NCKAP1: variants seen among roughly 807,000 people sequenced by gnomAD.
NCKAP1 encodes nck-associated protein 1.
In NCKAP1, 21 loss-of-function variants were observed where a neutral mutation model predicts 151.2. The ratio of observed to expected loss-of-function variants is 0.14; its 90% CI spans 0.10 to 0.20. The LOEUF (loss-of-function observed/expected upper bound fraction) is 0.20, where lower values mean the gene tolerates loss of function less well. Ranked by LOEUF, NCKAP1 falls within the 10% of genes least tolerant of loss-of-function variation. The pLI, the probability that NCKAP1 is intolerant of heterozygous loss-of-function variation, is 1.00. For missense variants in NCKAP1, 933 were observed against 1,352.1 expected (o/e 0.69, Z 4.86); for synonymous variants, 484 against 451.8 (o/e 1.07, Z -0.90).
chr2:182,990,585 G>A (rs1051028988), intron 8 of NCKAP1, among the ~76,000 whole-genome samples: 1 of 151,940 alleles, frequency 6.6e-6, no homozygotes, highest in Non-Finnish European at 1.5e-5. Context: ...TCCATACTAG[G>A]ACGTAAGACC....
intron 2 of NCKAP1, among the ~76,000 whole-genome samples, chr2:183,009,893 T>A (rs547766019): frequency 6.6e-6 from 1 of 152,308 alleles, no homozygotes; most frequent in South Asian, 2.1e-4. Flanking sequence ...TACAATGACA[T>A]AAAAGTAGCG....
At chr2:182,955,475 A>C (rs1697305409) in intron 20 of NCKAP1, among the ~76,000 whole-genome samples, 1 of 152,202 alleles carries the variant, frequency 6.6e-6, no homozygotes, top group East Asian at 1.9e-4. Context: ...AAGGTTTCTG[A>C]CTTATCAATG....
chr2:183,030,960 T>C (rs893346053), intron 1 of NCKAP1, among the ~76,000 whole-genome samples: 1 of 152,194 alleles, frequency 6.6e-6, no homozygotes, highest in Non-Finnish European at 1.5e-5. Context: ...AAGTTAGCAC[T>C]TTCCCTCTTA....
intron 20 of NCKAP1, among the ~76,000 whole-genome samples, chr2:182,953,535 C>T (rs1575026932): frequency 6.6e-6 from 1 of 152,186 alleles, no homozygotes. Context: ...TGGTGGTTCA[C>T]GCCTATTGTA....
In NCKAP1 at chr2:182,991,797, C is replaced by T. The variant is rs144013946; in HGVS notation, c.791-2611G>A. ...AAAAACAAGGCAGAAATTAGTAATCCAAAACTCTGGAGATAGGAAAAAAAA... is the reference window on the plus strand; with the variant it reads ...AAAAACAAGGCAGAAATTAGTAATCTAAAACTCTGGAGATAGGAAAAAAAA... On this transcript the variant is annotated intron_variant, in intron 8 of 30. Coordinates refer to ENST00000361354, the MANE Select transcript of NCKAP1 (RefSeq NM_013436.5). 4.4e-4 allele frequency among the ~76,000 whole-genome samples: 67 copies of T among 151,902 alleles called. 2 individuals are homozygous for T. The East Asian group carries it at 0.013, about 29-fold the overall frequency.
At position 182,962,216 on chromosome 2, in the gene NCKAP1, T is replaced by C; in HGVS notation, c.1824A>G (p.Lys608=). ...TATCAGTGATGAGATTTCGAGCTTG[T>C]TTGGCCATTTCATCTAGGAACATAT... ...LCNMFLDEMA[K]QARNLITDIC... The change falls in exon 18 of 31, where the codon AAA becomes AAG. Residue 608 remains lysine, a synonymous_variant. Coordinates refer to ENST00000361354, the MANE Select transcript of NCKAP1 (RefSeq NM_013436.5). 6.2e-7 allele frequency: 1 copy of C among 1,612,880 alleles called. No individual in the cohort carries two copies. The highest frequency in any genetic ancestry group is 8.5e-7 in the Non-Finnish European group (1 of 1,179,200).
chr2:182,934,771 G>A lies in NCKAP1; in HGVS notation c.2840C>T (p.Pro947Leu). Residue 947 changes from proline (P) to leucine (L), a missense_variant, in exon 26 of 31, where the codon CCA becomes CTA. By Grantham distance (98) the Pro-to-Leu change is moderately conservative (BLOSUM62 -3). Coordinates refer to ENST00000361354, the MANE Select transcript of NCKAP1 (RefSeq NM_013436.5). ...TATTACCTTCATATCAGTTTCCCTT[G>A]GAATGTGATCCTTAAAATCTTCAAT... ...SSIEDFKDHI[P>L]RETDMKVAMN... 1 of 1,479,918 alleles carries A rather than the reference G, an allele frequency of 6.8e-7. No homozygotes were observed. Among genetic ancestry groups the A allele is most frequent in the Non-Finnish European group, 9.4e-7 (1 of 1,064,206 alleles). The allele number at this position is 1,479,918 out of a possible 1,614,324, so 91.7% of individuals were successfully genotyped here.
intron 27 of NCKAP1, among the ~76,000 whole-genome samples, chr2:182,929,805 C>T (rs548955605): frequency 1.3e-5 from 2 of 150,850 alleles, no homozygotes; most frequent in East Asian, 3.9e-4. Context: ...CATGCTGCTG[C>T]CTCAAGGAGG....
intron 2 of NCKAP1, among the ~76,000 whole-genome samples, chr2:183,022,549 G>A (rs949618886): frequency 1.3e-5 from 2 of 152,104 alleles, no homozygotes; most frequent in Non-Finnish European, 2.9e-5. Context: ...CACTTTAAGA[G>A]GTCGAAGCAG....
chr2:182,982,539 G>A (rs537043072), intron 12 of NCKAP1, among the ~76,000 whole-genome samples: 79 of 152,234 alleles, frequency 5.2e-4, no homozygotes, highest in African/African-American at 1.6e-3. Context: ...TGATGCTGCC[G>A]TAGTTCCCAG....
intron 9 of NCKAP1, among the ~76,000 whole-genome samples, chr2:182,988,026 A>C (rs1318350105): frequency 6.6e-6 from 1 of 152,196 alleles, no homozygotes; most frequent in Non-Finnish European, 1.5e-5. Context: ...TGAGTTATAC[A>C]GCTAAGATGT....
intron 1 of NCKAP1, among the ~76,000 whole-genome samples, chr2:183,027,513 T>A (rs147353335): frequency 1.2e-4 from 18 of 152,260 alleles, no homozygotes; most frequent in Admixed American, 4.6e-4. Flanking sequence ...CTAAAAGTTA[T>A]CAGCTAGGTA....
intron 6 of NCKAP1, among the ~76,000 whole-genome samples, chr2:182,996,916 A>G (rs543657288): frequency 7.9e-5 from 12 of 152,364 alleles, no homozygotes; most frequent in African/African-American, 2.6e-4. Flanking sequence ...ATTCTGACGT[A>G]GCCAACTAAG....
intron 24 of NCKAP1, 123 bp downstream of exon 24, chr2:182,941,947 C>A: frequency 1.4e-6 from 1 of 706,286 alleles, no homozygotes; most frequent in Non-Finnish European, 2.3e-6. Context: ...TAGTTCTCTT[C>A]ATAAGCTAAA....
Position 182,919,443 on chromosome 2 carries a change from T to C in NCKAP1, c.*6259A>G, listed in dbSNP as rs1453249809. The C allele has an allele frequency of 3.3e-5, 5 of 152,208 alleles. No homozygotes were observed. In the South Asian group the frequency reaches 1.0e-3, roughly 32 times the overall value. 9.4% of individuals were successfully genotyped at this position (152,208 alleles called of 1,614,324 possible). On this transcript the variant is annotated 3_prime_UTR_variant, in exon 31 of 31. Transcript: ENST00000361354. ...TGCTTTCTGGCAGCCAGAATCTGCA[T>C]GCAATCAATGACCATGTGACTAACG...
In NCKAP1 at chr2:182,989,201, A is replaced by G. The variant is rs1187205476; in HGVS notation, c.791-15T>C. On this transcript the variant is annotated splice_polypyrimidine_tract_variant and intron_variant, in intron 8 of 30. Transcript: ENST00000361354. ...AATAAAGCCAACTTTAAATAAAAAG[A>G]AAGCAAATACAAATGTAAATGTACA... The G allele has an allele frequency of 6.4e-7, 1 of 1,573,212 alleles. No individual in the cohort carries two copies. Among genetic ancestry groups the G allele is most frequent in the Non-Finnish European group, 8.6e-7 (1 of 1,162,654 alleles).
At chr2:182,954,017 T>C (rs1697273830) in intron 20 of NCKAP1, among the ~76,000 whole-genome samples, 1 of 152,172 alleles carries the variant, frequency 6.6e-6, no homozygotes, top group Non-Finnish European at 1.5e-5. Context: ...TGAGGCTTTA[T>C]ATAAATTACC....
At chr2:183,029,820 C>T (rs796963924) in intron 1 of NCKAP1, among the ~76,000 whole-genome samples, 6 of 78,246 alleles carry the variant, frequency 7.7e-5, no homozygotes, top group African/African-American at 1.3e-4. Flanking sequence ...GACCCTGACT[C>T]GAAAAAAAAA....
intron 10 of NCKAP1, among the ~76,000 whole-genome samples, chr2:182,985,233 T>C (rs1419134742): frequency 6.6e-6 from 1 of 152,198 alleles, no homozygotes; most frequent in African/African-American, 2.4e-5. Context: ...TTTATAGTTT[T>C]CGCTATGGAG....
Sources: gnomAD v4.1 joint callset for allele counts (sites outside exome capture counted in the v4.1 genomes callset) on GRCh38, gnomAD v4.1.1 for gene constraint, MANE v1.5 for transcripts, NCBI Gene and HGNC (gene_info 2026-07-23, HGNC 2026-07-21) for gene names.